The following PRUNE2 variants were observed in gnomAD, a reference collection of about 807,000 sequenced individuals.
PRUNE2 encodes prune homolog 2 with BCH domain, also known as protein prune homolog 2.
Under a neutral mutation model 252.0 loss-of-function variants are expected in PRUNE2, and 164 were observed. That is an observed-to-expected ratio of 0.65 (90% CI 0.57 to 0.74). The LOEUF (loss-of-function observed/expected upper bound fraction) is 0.74, where lower values mean the gene tolerates loss of function less well. PRUNE2 is among the 30% of genes least tolerant of loss of function. The pLI, the probability that PRUNE2 is intolerant of heterozygous loss-of-function variation, is 0.00. For missense variants in PRUNE2, 3,495 were observed against 3,711.0 expected (o/e 0.94, Z 1.51); for synonymous variants, 1,292 against 1,350.2 (o/e 0.96, Z 0.94).
intron 9 of PRUNE2, among the ~76,000 whole-genome samples, chr9:76,696,324 C>T (rs2045378622): frequency 6.6e-6 from 1 of 152,194 alleles, no homozygotes; most frequent in East Asian, 1.9e-4. Flanking sequence ...GTCCACCACT[C>T]TCCAATTCGG....
intron 9 of PRUNE2, among the ~76,000 whole-genome samples, chr9:76,685,485 T>C (rs567665420): frequency 2.0e-5 from 3 of 152,256 alleles, no homozygotes; most frequent in East Asian, 1.9e-4. Flanking sequence ...TCAAGGTGTG[T>C]GTTTGGAAAT....
chr9:76,747,491 G>A (rs1009311251), intron 6 of PRUNE2, among the ~76,000 whole-genome samples: 1 of 152,118 alleles, frequency 6.6e-6, no homozygotes, highest in African/African-American at 2.4e-5. Flanking sequence ...TAAGTGAGGA[G>A]ACTGAGCCTC....
intron 6 of PRUNE2, among the ~76,000 whole-genome samples, chr9:76,715,193 T>C (rs1410389884): frequency 1.3e-5 from 2 of 152,226 alleles, no homozygotes; most frequent in Non-Finnish European, 2.9e-5. Context: ...GATTTCCCCA[T>C]ACCCACATTA....
chr9:76,863,249 T>G (rs886085428), intron 1 of PRUNE2: 1 of 152,192 alleles, frequency 6.6e-6, no homozygotes, highest in Non-Finnish European at 1.5e-5. Flanking sequence ...CAGAAAGTTA[T>G]AGAAATTTAC....
At position 76,750,251 on chromosome 9, in the gene PRUNE2, G is replaced by A. The variant is rs548911139; in HGVS notation, c.757-36530C>T. ...ATTGAACCAGAAGAGAGGGTCTTGG[G>A]AACCTCTGATTTATAGCCAGTTTAT... On this transcript the variant is annotated intron_variant, in intron 6 of 18. Coordinates refer to ENST00000376718, the MANE Select transcript of PRUNE2 (RefSeq NM_015225.3). 2.6e-5 allele frequency among the ~76,000 whole-genome samples: 4 copies of A among 152,162 alleles called. 1 individual carries two copies. In the South Asian group the frequency reaches 6.2e-4, roughly 24 times the overall value.
intron 16 of PRUNE2, chr9:76,625,151 G>A (rs190456586): frequency 1.2e-6 from 1 of 817,050 alleles, no homozygotes; most frequent in East Asian, 6.3e-5. Context: ...CAAATCATGA[G>A]AGAAAATGCC....
intron 1 of PRUNE2, among the ~76,000 whole-genome samples, chr9:76,888,576 CAAT>C (rs1437950490): frequency 2.9e-5 from 4 of 137,324 alleles, no homozygotes; most frequent in Admixed American, 7.8e-5. Context: ...GACTCCATCT[CAAT>C]AATAATAATA....
At position 76,703,790 on chromosome 9, in the gene PRUNE2, C is replaced by A. The variant is rs755434610; in HGVS notation, c.7823G>T (p.Gly2608Val). The change falls in exon 9 of 19, where the codon GGT (glycine) becomes GTT (valine). Residue 2608 changes from glycine to valine, a missense_variant. Gly to Val is a moderately radical substitution (Grantham distance 109). Coordinates refer to ENST00000376718, the MANE Select transcript of PRUNE2 (RefSeq NM_015225.3). ...AGAAGACATTTTCTCTGCAGAGAGA[C>A]CTTTTCTTTCATTTAAGGAGGCTGG... ...CQPASLNERK[G>V]LSAEKMSSKS... 8.7e-6 allele frequency: 14 copies of A among 1,613,884 alleles called. No homozygotes were observed. Among genetic ancestry groups the A allele is most frequent in the Middle Eastern group, 1.6e-4 (1 of 6,062 alleles).
intron 4 of PRUNE2, 72 bp downstream of exon 4, chr9:76,846,443 C>G: frequency 7.4e-7 from 1 of 1,350,472 alleles, no homozygotes; most frequent in South Asian, 1.5e-5. Flanking sequence ...GGATCGCATT[C>G]TTTCTACATG....
chr9:76,667,404 G>T (rs1183653089), intron 9 of PRUNE2, among the ~76,000 whole-genome samples: 2 of 152,202 alleles, frequency 1.3e-5, no homozygotes, highest in Middle Eastern at 3.2e-3. Context: ...GAACTGGCTG[G>T]GCTGGCAGCA....
chr9:76,706,157 G>C lies in PRUNE2; in HGVS notation c.6117C>G (p.Thr2039=). The C allele has an allele frequency of 6.2e-7, 1 of 1,613,982 alleles. No homozygotes were observed. The change falls in exon 8 of 19, where the codon ACC becomes ACG. Residue 2039 remains threonine, a synonymous_variant. Transcript: ENST00000376718. ...AGGTACCTCGGGAGTCCTCACTTGG[G>C]GTAGAGCCATCCCATTCAGAGCCTG... ...MKPGSEWDGS[T]PSEDSRGTFV...
intron 3 of PRUNE2, among the ~76,000 whole-genome samples, chr9:76,847,796 C>A (rs566107687): frequency 6.6e-5 from 10 of 152,210 alleles, no homozygotes; most frequent in Non-Finnish European, 1.5e-4. Context: ...CATTCTATTT[C>A]ATAAACAATT....
chr9:76,837,978 A>C (rs1409690106), intron 4 of PRUNE2, among the ~76,000 whole-genome samples: 1 of 151,822 alleles, frequency 6.6e-6, no homozygotes, highest in Non-Finnish European at 1.5e-5. Flanking sequence ...TCACCGTGTT[A>C]GCCAGGATGG....
At position 76,667,293 on chromosome 9, in the gene PRUNE2, G is replaced by A. The variant is rs148608210; in HGVS notation, c.8277-11791C>T. ...GAATTTGAAAGAATGAGGTTCTTCC[G>A]AAGGGAAGGGGGAAAAGTAGACCAT... On this transcript the variant is annotated intron_variant, in intron 9 of 18. Transcript: ENST00000376718. Among the ~76,000 whole-genome samples, 13 of 152,280 alleles carry A rather than the reference G, an allele frequency of 8.5e-5. No homozygotes were observed. The East Asian group carries it at 1.9e-3, about 23-fold the overall frequency.
intron 6 of PRUNE2, among the ~76,000 whole-genome samples, chr9:76,813,843 GTCTC>G (rs1240778538): frequency 6.6e-6 from 1 of 152,238 alleles, no homozygotes; most frequent in Non-Finnish European, 1.5e-5. Context: ...ATGAGACAGA[GTCTC>G]TCTCTGTCAC....
At position 76,629,305 on chromosome 9, in the gene PRUNE2, AAG is replaced by A. The variant is rs1473789394; in HGVS notation, c.9051-17_9051-16del. 4.4e-6 allele frequency: 6 copies of A among 1,356,626 alleles called. No individual in the cohort carries two copies. Among genetic ancestry groups the A allele is most frequent in the East Asian group, 4.8e-5 (2 of 41,276 alleles). The allele number at this position is 1,356,626 out of a possible 1,614,324, so 84.0% of individuals were successfully genotyped here. A position where few individuals can be genotyped will look rare whatever the true frequency, so the allele number is the denominator to read the frequency against. On this transcript the variant is annotated splice_polypyrimidine_tract_variant and intron_variant, in intron 15 of 18. Transcript: ENST00000376718. Reference sequence around the variant, plus strand: ...TGAATTTTGAACTAAAAAAAAAAAAAAGAAAAAAATATGTATCATTAGTCACT... The same window carrying A: ...TGAATTTTGAACTAAAAAAAAAAAAAAAAAAAATATGTATCATTAGTCACT...
intron 6 of PRUNE2, among the ~76,000 whole-genome samples, chr9:76,752,489 C>A (rs2050725483): frequency 6.6e-6 from 1 of 152,034 alleles, no homozygotes; most frequent in African/African-American, 2.4e-5. Context: ...AGCTCATGAC[C>A]ACATGAGATG....
chr9:76,782,688 A>G (rs2054548351), intron 6 of PRUNE2: 1 of 152,216 alleles, frequency 6.6e-6, no homozygotes, highest in Non-Finnish European at 1.5e-5. Context: ...ACATATACTT[A>G]GTGTTTCAAT....
At position 76,897,399 on chromosome 9, in the gene PRUNE2, T is replaced by A. The variant is rs1237111680; in HGVS notation, c.36+8529A>T. ...AACCTTAGGCAAACCTCTTTTTTTTTTTTTTTTTTTTTTTTTTTTTTTTTT... is the reference window on the plus strand; with the variant it reads ...AACCTTAGGCAAACCTCTTTTTTTTATTTTTTTTTTTTTTTTTTTTTTTTT... On this transcript the variant is annotated intron_variant, in intron 1 of 18. Coordinates refer to ENST00000376718, the MANE Select transcript of PRUNE2 (RefSeq NM_015225.3). 1.3e-3 allele frequency among the ~76,000 whole-genome samples: 104 copies of A among 81,398 alleles called. 6 individuals are homozygous for A. Among genetic ancestry groups the A allele is most frequent in the South Asian group, 8.4e-3 (16 of 1,904 alleles). 53.4% of individuals were successfully genotyped at this position (81,398 alleles called of 152,430 possible). A position where few individuals can be genotyped will look rare whatever the true frequency, so the allele number is the denominator to read the frequency against.
Sources: allele counts gnomAD v4.1 joint callset (sites outside exome capture counted in the v4.1 genomes callset), GRCh38; gene constraint gnomAD v4.1.1; transcripts MANE v1.5; gene names NCBI Gene and HGNC (gene_info 2026-07-23, HGNC 2026-07-21).